The following DAB1 variants were observed in gnomAD, a reference collection of about 807,000 sequenced individuals.
DAB1 encodes the protein disabled homolog 1.
In DAB1, 15 loss-of-function variants were observed where a neutral mutation model predicts 64.6. The ratio of observed to expected loss-of-function variants is 0.23; its 90% CI spans 0.16 to 0.36. DAB1 has a LOEUF of 0.36. Among genes scored for constraint, DAB1 ranks in the 10% least tolerant of loss-of-function variants. The probability of loss-of-function intolerance (pLI) is 1.00; values close to 1 mark genes in which losing one functional copy is unlikely to be tolerated. For synonymous variants in DAB1, 235 were observed against 251.9 expected (o/e 0.93, Z 0.64); for missense variants, 596 against 706.7 (o/e 0.84, Z 1.78).
intron 6 of DAB1, among the ~76,000 whole-genome samples, chr1:57,745,233 G>A (rs1376059985): frequency 6.6e-6 from 1 of 152,228 alleles, no homozygotes; most frequent in Non-Finnish European, 1.5e-5. Context: ...TGGCGTTGGT[G>A]CTCTACTTCC....
intron 5 of DAB1, among the ~76,000 whole-genome samples, chr1:57,908,838 A>T (rs1644597874): frequency 6.6e-6 from 1 of 152,228 alleles, no homozygotes; most frequent in Non-Finnish European, 1.5e-5. Context: ...TATGGTTTAG[A>T]TTCGTGAAGC....
intron 6 of DAB1, among the ~76,000 whole-genome samples, chr1:57,663,287 T>C (rs958627098): frequency 3.9e-5 from 6 of 152,112 alleles, no homozygotes; most frequent in Admixed American, 6.5e-5. Context: ...CACCCCATGA[T>C]CCAATCACCT....
At chr1:57,905,452 A>C (rs1306847191) in intron 5 of DAB1, among the ~76,000 whole-genome samples, 2 of 152,156 alleles carry the variant, frequency 1.3e-5, no homozygotes, top group Non-Finnish European at 2.9e-5. Flanking sequence ...ATAAGGAAGC[A>C]TCAAGGATGG....
At chr1:57,215,547 G>A (rs540462192) in intron 2 of DAB1, among the ~76,000 whole-genome samples, 1 of 152,268 alleles carries the variant, frequency 6.6e-6, no homozygotes, top group South Asian at 2.1e-4. Context: ...GTGTTGGACC[G>A]TGAATTTTGT....
chr1:57,715,939 C>T (rs370960846), intron 6 of DAB1, among the ~76,000 whole-genome samples: 2 of 152,194 alleles, frequency 1.3e-5, no homozygotes, highest in South Asian at 2.1e-4. Flanking sequence ...TCGAGACAGT[C>T]TTGCCTTGTT....
At chr1:57,665,026 C>G (rs999640127) in intron 6 of DAB1, among the ~76,000 whole-genome samples, 2 of 151,850 alleles carry the variant, frequency 1.3e-5, no homozygotes, top group South Asian at 4.1e-4. Flanking sequence ...AGGATACTAA[C>G]CTTCTAAAAT....
chr1:57,720,829 T>C (rs1007659731), intron 6 of DAB1, among the ~76,000 whole-genome samples: 33 of 152,316 alleles, frequency 2.2e-4, no homozygotes, highest in African/African-American at 7.7e-4. Flanking sequence ...GGTTTGTCTA[T>C]AGAGGTTTTA....
chr1:57,717,557 TC>T (rs977334114), intron 6 of DAB1, among the ~76,000 whole-genome samples: 1 of 152,140 alleles, frequency 6.6e-6, no homozygotes, highest in African/African-American at 2.4e-5. Flanking sequence ...ATCCAGCAGT[TC>T]CACTAGTAGG....
intron 3 of DAB1, among the ~76,000 whole-genome samples, chr1:58,344,543 C>G (rs756323718): frequency 6.6e-6 from 1 of 152,142 alleles, no homozygotes; most frequent in Non-Finnish European, 1.5e-5. Context: ...TCTCACCCTC[C>G]ACCCCCTGCC....
chr1:57,917,118 A>G (rs1557554650), intron 5 of DAB1, among the ~76,000 whole-genome samples: 1 of 151,714 alleles, frequency 6.6e-6, no homozygotes, highest in East Asian at 1.9e-4. Context: ...CAGCGGGGCC[A>G]CTCTCTACAC....
At position 58,267,735 on chromosome 1, in the gene DAB1, C is replaced by A. The variant is rs533254992; in HGVS notation, n.309+75617G>T. ...AAGTATATAACAAGAACCTTATACACAATACCTTCTATTTTTTTAACCCAA... is the reference window on the plus strand; with the variant it reads ...AAGTATATAACAAGAACCTTATACAAAATACCTTCTATTTTTTTAACCCAA... On this transcript the variant is annotated intron_variant and non_coding_transcript_variant, in intron 4 of 20. Coordinates refer to the DAB1 transcript ENST00000485760. 6.6e-5 allele frequency among the ~76,000 whole-genome samples: 10 copies of A among 152,278 alleles called. No individual in the cohort carries two copies. The East Asian group carries it at 1.4e-3, about 21-fold the overall frequency.
At chr1:58,536,456 T>C in intron 1 of DAB1, 4 of 758,174 alleles carry the variant, frequency 5.3e-6, no homozygotes, top group Non-Finnish European at 9.4e-6. Flanking sequence ...TTAAGATACT[T>C]TCCTACTTTG....
chr1:57,384,384 T>C (rs1342318994), intron 1 of DAB1, among the ~76,000 whole-genome samples: 1 of 152,176 alleles, frequency 6.6e-6, no homozygotes, highest in East Asian at 1.9e-4. Flanking sequence ...AATTACCATA[T>C]TATTCAGCAA....
intron 7 of DAB1, among the ~76,000 whole-genome samples, chr1:57,525,404 A>G (rs1254939751): frequency 6.6e-6 from 1 of 151,620 alleles, no homozygotes; most frequent in Non-Finnish European, 1.5e-5. Flanking sequence ...GAAGTATTTG[A>G]AAAAAATATA....
intron 7 of DAB1, among the ~76,000 whole-genome samples, chr1:57,570,449 A>G (rs1319696873): frequency 1.3e-5 from 2 of 151,774 alleles, no homozygotes; most frequent in Non-Finnish European, 2.9e-5. Flanking sequence ...AACCCACCTT[A>G]TGTTTTTGCT....
chr1:57,857,751 T>C (rs1261560964), intron 1 of DAB1, among the ~76,000 whole-genome samples: 2 of 150,816 alleles, frequency 1.3e-5, no homozygotes, highest in African/African-American at 2.4e-5. Flanking sequence ...TTAGGTTTTA[T>C]AGAGAAATGT....
At position 57,582,702 on chromosome 1, in the gene DAB1, C is replaced by T. The variant is rs192615637; in HGVS notation, n.625+66890G>A. Among the ~76,000 whole-genome samples, 85 of 152,332 alleles carry T rather than the reference C, an allele frequency of 5.6e-4. No individual in the cohort carries two copies. The South Asian group carries it at 6.6e-3, about 12-fold the overall frequency. ...TTCAGGAGAGCTGGATCCTGTTTCC[C>T]GCTCCACAGGGTCCGATGCCACTCC... On this transcript the variant is annotated intron_variant and non_coding_transcript_variant, in intron 7 of 20. Coordinates refer to the DAB1 transcript ENST00000485760.
Position 57,087,640 on chromosome 1 carries a change from G to A in DAB1, c.307-15226C>T, listed in dbSNP as rs149848142. ...AGCCCAAATGTGGAAGCCTGTGCCT[G>A]TCATTTTGAAAACTCTGTTGAGGTT... is the stretch of plus-strand genomic sequence containing the variant. On this transcript the variant is annotated intron_variant, in intron 4 of 14. Coordinates refer to ENST00000371236, the MANE Select transcript of DAB1 (RefSeq NM_001365792.1). Among the ~76,000 whole-genome samples, 357 of 152,314 alleles carry A rather than the reference G, an allele frequency of 2.3e-3. 2 individuals carry two copies. Among genetic ancestry groups the A allele is most frequent in the African/African-American group, 8.3e-3 (343 of 41,568 alleles).
At chr1:57,368,360 G>A (rs1425689294) in intron 1 of DAB1, among the ~76,000 whole-genome samples, 1 of 152,178 alleles carries the variant, frequency 6.6e-6, no homozygotes, top group Non-Finnish European at 1.5e-5. Context: ...TGAAGGATGG[G>A]GGCGGGGCTG....
Sources: gnomAD v4.1 joint callset for allele counts (sites outside exome capture counted in the v4.1 genomes callset) on GRCh38, gnomAD v4.1.1 for gene constraint, MANE v1.5 for transcripts, NCBI Gene and HGNC (gene_info 2026-07-23, HGNC 2026-07-21) for gene names.